The following DLG2 variants were observed in gnomAD, a reference collection of about 807,000 sequenced individuals.
DLG2 encodes disks large homolog 2.
DLG2 carries 45 observed loss-of-function variants against 132.5 expected under a neutral mutation model. That is an observed-to-expected ratio of 0.34 (90% CI 0.27 to 0.44). DLG2 has a LOEUF of 0.44. DLG2 is among the 20% of genes least tolerant of loss of function. The probability of loss-of-function intolerance (pLI) is 1.00; values close to 1 mark genes in which losing one functional copy is unlikely to be tolerated. For missense variants in DLG2, 1,045 were observed against 1,196.9 expected, an observed-to-expected ratio of 0.87 and a Z score of 1.87; for synonymous variants, 424 against 419.6, an observed-to-expected ratio of 1.01 and a Z score of -0.13.
chr11:84,397,474 G>A (rs2098814552), intron 7 of DLG2, among the ~76,000 whole-genome samples: 1 of 152,192 alleles, frequency 6.6e-6, no homozygotes, highest in South Asian at 2.1e-4. Context: ...TCCGGCCAAT[G>A]GAATGCCAGT....
chr11:85,553,002 C>T (rs921886512), intron 3 of DLG2, among the ~76,000 whole-genome samples: 2 of 151,634 alleles, frequency 1.3e-5, no homozygotes. Flanking sequence ...AAATAAAATA[C>T]TAAAAGCAAC....
intron 9 of DLG2, among the ~76,000 whole-genome samples, chr11:84,133,268 G>A (rs2094483269): frequency 6.6e-6 from 1 of 152,076 alleles, no homozygotes; most frequent in South Asian, 2.1e-4. Context: ...CAAAATTCCA[G>A]TGAATCCCAG....
chr11:83,928,734 T>C (rs1466176621), intron 15 of DLG2, among the ~76,000 whole-genome samples: 1 of 152,202 alleles, frequency 6.6e-6, no homozygotes, highest in Non-Finnish European at 1.5e-5. Context: ...TTTTCTCATT[T>C]GTAAAACAAA....
At chr11:83,668,289 T>C (rs1387346983) in intron 18 of DLG2, among the ~76,000 whole-genome samples, 2 of 152,112 alleles carry the variant, frequency 1.3e-5, no homozygotes, top group East Asian at 3.9e-4. Flanking sequence ...AGAAAATCTA[T>C]TTTCAATTCT....
chr11:85,124,559 A>G (rs1328771551), intron 5 of DLG2, among the ~76,000 whole-genome samples: 1 of 152,246 alleles, frequency 6.6e-6, no homozygotes, highest in African/African-American at 2.4e-5. Context: ...AAGTGAGTTT[A>G]CTAAGATTAC....
chr11:83,865,501 T>C (rs1356525845), intron 16 of DLG2, among the ~76,000 whole-genome samples: 5 of 146,962 alleles, frequency 3.4e-5, no homozygotes, highest in Non-Finnish European at 7.5e-5. Context: ...AGAAAATGAA[T>C]GGCAAATTAA....
intron 7 of DLG2, among the ~76,000 whole-genome samples, chr11:84,463,540 G>A (rs1419680386): frequency 6.6e-6 from 1 of 151,130 alleles, no homozygotes; most frequent in African/African-American, 2.4e-5. Context: ...CAAGAGAAGG[G>A]GAGGATGAGG....
intron 6 of DLG2, among the ~76,000 whole-genome samples, chr11:84,765,772 T>C (rs2068324497): frequency 6.6e-6 from 1 of 152,090 alleles, no homozygotes; most frequent in South Asian, 2.1e-4. Flanking sequence ...TTCAGCATTC[T>C]AGGTCACTTC....
chr11:85,265,523 G>A (rs1163769623), intron 4 of DLG2, among the ~76,000 whole-genome samples: 1 of 152,186 alleles, frequency 6.6e-6, no homozygotes. Flanking sequence ...ATAGAGGCAG[G>A]AGGCAGAGAA....
At chr11:84,177,627 C>G (rs10501556) in intron 8 of DLG2, among the ~76,000 whole-genome samples, 11,806 of 152,200 alleles carry the variant, frequency 0.078, 543 homozygotes, top group African/African-American at 0.12. Context: ...AAGTAAAGTA[C>G]AGTTCTCAAC....
chr11:83,552,260 A>G (rs2096409284), intron 19 of DLG2, among the ~76,000 whole-genome samples: 1 of 152,140 alleles, frequency 6.6e-6, no homozygotes, highest in Admixed American at 6.6e-5. Flanking sequence ...TGAAGGCTGC[A>G]TTTTCAAATG....
chr11:83,779,815 C>T (rs1362246979), intron 18 of DLG2, among the ~76,000 whole-genome samples: 1 of 152,124 alleles, frequency 6.6e-6, no homozygotes, highest in African/African-American at 2.4e-5. Context: ...TTAACTAGGT[C>T]GTGCATTCAT....
At chr11:84,685,504 A>G (rs925580955) in intron 6 of DLG2, among the ~76,000 whole-genome samples, 29 of 152,170 alleles carry the variant, frequency 1.9e-4, no homozygotes, top group African/African-American at 6.8e-4. Flanking sequence ...TAGGTAATCA[A>G]TTCCTTCTAG....
At chr11:83,876,729 C>A (rs2154069947) in intron 15 of DLG2, among the ~76,000 whole-genome samples, 1 of 152,206 alleles carries the variant, frequency 6.6e-6, no homozygotes, top group Non-Finnish European at 1.5e-5. Flanking sequence ...TACCTTATCA[C>A]CAAGTGGGTG....
chr11:85,021,112 G>A, intron 6 of DLG2: 1 of 783,494 alleles, frequency 1.3e-6, no homozygotes, highest in Non-Finnish European at 2.4e-6. Context: ...ATTGCCTGAA[G>A]AGTCATCTGC....
chr11:84,533,905 C>CAAAAAAAAAAAAAAAAAAAAAAAA lies in DLG2; in HGVS notation c.519+641_519+664dup, dbSNP rs558597260. ...CAAAATCCAGTAGCGCCAGTTCAGC[C>CAAAAAAAAAAAAAAAAAAAAAAAA]AAAAAAAAAAAAAAAAAAAAAAAAA... On this transcript the variant is annotated intron_variant, in intron 7 of 27. Transcript: ENST00000376104. Among the ~76,000 whole-genome samples the CAAAAAAAAAAAAAAAAAAAAAAAA allele has an allele frequency of 4.8e-4, 34 of 70,276 alleles. 3 individuals carry two copies. The highest frequency in any genetic ancestry group is 1.3e-3 in the African/African-American group (25 of 18,950). 46.1% of individuals were successfully genotyped at this position (70,276 alleles called of 152,430 possible). A position where few individuals can be genotyped will look rare whatever the true frequency, so the allele number is the denominator to read the frequency against.
intron 3 of DLG2, among the ~76,000 whole-genome samples, chr11:85,508,244 G>C (rs2093979476): frequency 6.6e-6 from 1 of 151,728 alleles, no homozygotes; most frequent in Non-Finnish European, 1.5e-5. Flanking sequence ...CAGCTTGACA[G>C]AGGATCTTTT....
intron 6 of DLG2, among the ~76,000 whole-genome samples, chr11:84,743,157 A>G (rs2153825700): frequency 6.6e-6 from 1 of 152,288 alleles, no homozygotes; most frequent in South Asian, 2.1e-4. Flanking sequence ...AGTTTCCCCT[A>G]TTAGTTATAT....
At chr11:83,941,679 C>T (rs1447461548) in intron 14 of DLG2, among the ~76,000 whole-genome samples, 1 of 152,160 alleles carries the variant, frequency 6.6e-6, no homozygotes, top group Admixed American at 6.5e-5. Flanking sequence ...CAGGTGTAAG[C>T]CACCACACCC....
Sources: gnomAD v4.1 joint callset for allele counts (sites outside exome capture counted in the v4.1 genomes callset) on GRCh38, gnomAD v4.1.1 for gene constraint, MANE v1.5 for transcripts, NCBI Gene and HGNC (gene_info 2026-07-23, HGNC 2026-07-21) for gene names.